ZMAT4: variants seen among roughly 807,000 people sequenced by gnomAD.
ZMAT4 encodes zinc finger matrin-type protein 4.
ZMAT4 carries 17 observed loss-of-function variants against 28.7 expected under a neutral mutation model. The ratio of observed to expected loss-of-function variants is 0.59; its 90% confidence interval spans 0.41 to 0.89. ZMAT4 has a LOEUF of 0.89. Among genes scored for constraint, ZMAT4 ranks in the 40% least tolerant of loss-of-function variants. The probability of loss-of-function intolerance (pLI) is 0.00; values close to 1 mark genes in which losing one functional copy is unlikely to be tolerated. For missense variants in ZMAT4, 240 were observed against 283.8 expected (o/e 0.85, Z 1.11); for synonymous variants, 117 against 109.2 (o/e 1.07, Z -0.44).
intron 1 of ZMAT4, among the ~76,000 whole-genome samples, chr8:40,834,460 T>C (rs1449496845): frequency 1.3e-5 from 2 of 152,266 alleles, no homozygotes; most frequent in Admixed American, 6.5e-5. Flanking sequence ...TTCTATGTGA[T>C]TCACCAAATG....
chr8:40,746,591 G>A (rs1343200695), intron 3 of ZMAT4, among the ~76,000 whole-genome samples: 1 of 151,960 alleles, frequency 6.6e-6, no homozygotes, highest in Non-Finnish European at 1.5e-5. Flanking sequence ...TCAAACTCCT[G>A]ACCTCTGCCC....
chr8:40,560,978 C>A (rs1389508086), intron 6 of ZMAT4, among the ~76,000 whole-genome samples: 2 of 152,104 alleles, frequency 1.3e-5, no homozygotes, highest in Non-Finnish European at 2.9e-5. Context: ...CCCCAAAAAA[C>A]CCTTTTACTT....
At chr8:40,822,945 G>A (rs1815885044) in intron 2 of ZMAT4, among the ~76,000 whole-genome samples, 1 of 152,164 alleles carries the variant, frequency 6.6e-6, no homozygotes, top group Non-Finnish European at 1.5e-5. Context: ...ATTAGATTGT[G>A]CAACAGCGAG....
At chr8:40,866,742 G>A (rs113244239) in intron 1 of ZMAT4, among the ~76,000 whole-genome samples, 393 of 152,318 alleles carry the variant, frequency 2.6e-3, no homozygotes, top group South Asian at 5.0e-3. Context: ...AGCACCCGGG[G>A]AGTCCTCGAG....
chr8:40,703,434 T>C (rs915379051), intron 3 of ZMAT4, among the ~76,000 whole-genome samples: 5 of 152,194 alleles, frequency 3.3e-5, no homozygotes, highest in Non-Finnish European at 1.5e-5. Flanking sequence ...TATGGATGAA[T>C]CTTGAAAACA....
At chr8:40,894,668 A>G (rs999453383) in intron 1 of ZMAT4, among the ~76,000 whole-genome samples, 6 of 152,156 alleles carry the variant, frequency 3.9e-5, no homozygotes, top group Non-Finnish European at 8.8e-5. Flanking sequence ...CCTTGAATAC[A>G]TGGAAATAGC....
At chr8:40,576,588 G>A (rs968822282) in intron 6 of ZMAT4, among the ~76,000 whole-genome samples, 3 of 148,764 alleles carry the variant, frequency 2.0e-5, no homozygotes, top group Non-Finnish European at 3.0e-5. Flanking sequence ...CTATTCTTCA[G>A]AAATGAAGTT....
At chr8:40,738,020 C>T (rs1385547001) in intron 3 of ZMAT4, among the ~76,000 whole-genome samples, 1 of 151,740 alleles carries the variant, frequency 6.6e-6, no homozygotes, top group Non-Finnish European at 1.5e-5. Flanking sequence ...AAAAGAGAAG[C>T]AAAGAAGTCA....
chr8:40,597,446 C>T (rs904469419), intron 5 of ZMAT4, among the ~76,000 whole-genome samples: 10 of 152,178 alleles, frequency 6.6e-5, no homozygotes, highest in African/African-American at 2.4e-4. Flanking sequence ...CCTGTCTGAT[C>T]CTGGATCTGT....
chr8:40,748,464 C>A (rs1274876126), intron 3 of ZMAT4, among the ~76,000 whole-genome samples: 1 of 152,148 alleles, frequency 6.6e-6, no homozygotes, highest in Non-Finnish European at 1.5e-5. Flanking sequence ...GGAATACAAC[C>A]AGCTGCTCCA....
At chr8:40,873,891 G>A (rs940908555) in intron 1 of ZMAT4, among the ~76,000 whole-genome samples, 4 of 152,086 alleles carry the variant, frequency 2.6e-5, no homozygotes, top group African/African-American at 9.7e-5. Context: ...GGTGAGAGGG[G>A]GTGAGGACCT....
rs374740386 is a variant in ZMAT4, at chr8:40,885,738, A to G, written c.-5+11945T>C. Among the ~76,000 whole-genome samples the G allele has an allele frequency of 1.4e-4, 22 of 152,290 alleles. No homozygotes were observed. The East Asian group carries it at 2.9e-3, about 20-fold the overall frequency. ...CCTCGCTGCTATTCCTGGCACCCCAAGTGTCTCCAGCTTCAGGGTCTTCTT... is the reference window on the plus strand; with the variant it reads ...CCTCGCTGCTATTCCTGGCACCCCAGGTGTCTCCAGCTTCAGGGTCTTCTT... On this transcript the variant is annotated intron_variant, in intron 1 of 6. Coordinates refer to ENST00000297737, the MANE Select transcript of ZMAT4 (RefSeq NM_024645.3).
chr8:40,671,602 T>G (rs373627575), intron 5 of ZMAT4, among the ~76,000 whole-genome samples: 1 of 151,784 alleles, frequency 6.6e-6, no homozygotes, highest in Non-Finnish European at 1.5e-5. Flanking sequence ...TTATATGGAG[T>G]TTTAGAACAA....
intron 6 of ZMAT4, among the ~76,000 whole-genome samples, chr8:40,545,156 T>C (rs1183985837): frequency 6.6e-6 from 1 of 152,024 alleles, no homozygotes; most frequent in African/African-American, 2.4e-5. Flanking sequence ...CAAATCTTTG[T>C]GGATTTTTTC....
chr8:40,677,130 G>A (rs1013151972), intron 4 of ZMAT4, among the ~76,000 whole-genome samples: 2 of 151,990 alleles, frequency 1.3e-5, no homozygotes, highest in Admixed American at 6.6e-5. Context: ...CATTTTAGTC[G>A]ATTTTATCAA....
At chr8:40,679,910 T>C (rs1470587474) in intron 4 of ZMAT4, among the ~76,000 whole-genome samples, 2 of 152,198 alleles carry the variant, frequency 1.3e-5, no homozygotes, top group South Asian at 2.1e-4. Context: ...CTTTACACTA[T>C]GAGAGACTAA....
intron 6 of ZMAT4, among the ~76,000 whole-genome samples, chr8:40,557,872 CTGAT>C (rs1376690214): frequency 1.3e-5 from 2 of 152,018 alleles, no homozygotes; most frequent in South Asian, 2.1e-4. Context: ...GATGGATAGA[CTGAT>C]TGATTGATAG....
chr8:40,694,949 G>T (rs1809816755), intron 4 of ZMAT4, among the ~76,000 whole-genome samples: 1 of 152,148 alleles, frequency 6.6e-6, no homozygotes, highest in Non-Finnish European at 1.5e-5. Context: ...TTCCAGAGAG[G>T]GTCCTGCCCC....
chr8:40,561,802 C>G (rs769696207), intron 6 of ZMAT4, among the ~76,000 whole-genome samples: 108 of 152,268 alleles, frequency 7.1e-4, no homozygotes, highest in Middle Eastern at 6.8e-3. Context: ...CATCAGCTAT[C>G]ATTAGTGTTC....
Sources: allele counts gnomAD v4.1 joint callset (sites outside exome capture counted in the v4.1 genomes callset), GRCh38; gene constraint gnomAD v4.1.1; transcripts MANE v1.5; gene names NCBI Gene and HGNC (gene_info 2026-07-23, HGNC 2026-07-21).